The following GNAL variants were observed in gnomAD, a reference collection of about 807,000 sequenced individuals.
GNAL encodes guanine nucleotide-binding protein G(olf) subunit alpha.
In GNAL, 18 loss-of-function variants were observed where a neutral mutation model predicts 55.1. That is an observed-to-expected ratio of 0.33 (90% CI 0.23 to 0.48). The LOEUF (loss-of-function observed/expected upper bound fraction) is 0.48, where lower values mean the gene tolerates loss of function less well. Ranked by LOEUF, GNAL falls within the 20% of genes least tolerant of loss-of-function variation. The pLI is 0.99. For synonymous variants in GNAL, 253 were observed against 237.0 expected, an observed-to-expected ratio of 1.07 and a Z score of -0.62; for missense variants, 412 against 614.1, an observed-to-expected ratio of 0.67 and a Z score of 3.48.
At chr18:11,877,734 C>G (rs1374517713) in intron 11 of GNAL, among the ~76,000 whole-genome samples, 1 of 152,158 alleles carries the variant, frequency 6.6e-6, no homozygotes, top group Non-Finnish European at 1.5e-5. Context: ...CCACGGGGAC[C>G]GGCACTCCAG....
intron 1 of GNAL, among the ~76,000 whole-genome samples, chr18:11,718,395 C>T (rs923254370): frequency 2.6e-5 from 4 of 152,110 alleles, no homozygotes; most frequent in African/African-American, 9.7e-5. Context: ...GCTATATAAT[C>T]AATACGGCAG....
chr18:11,762,818 G>A (rs1278491659), intron 4 of GNAL, among the ~76,000 whole-genome samples: 1 of 152,290 alleles, frequency 6.6e-6, no homozygotes, highest in East Asian at 1.9e-4. Context: ...TCTGCTGTGG[G>A]GATGGTGCTC....
chr18:11,867,132 C>T, intron 7 of GNAL, 36 bp from the exon 8 acceptor site: 12 of 1,534,174 alleles, frequency 7.8e-6, no homozygotes, highest in Non-Finnish European at 9.9e-6. Context: ...TCCCCTGCTT[C>T]CCCCAAATAA....
intron 5 of GNAL, among the ~76,000 whole-genome samples, chr18:11,855,153 T>G (rs1197873394): frequency 6.6e-6 from 1 of 152,114 alleles, no homozygotes; most frequent in Non-Finnish European, 1.5e-5. Flanking sequence ...TGGCCAGGCT[T>G]GTCTCGGACT....
chr18:11,867,145 G>A, intron 7 of GNAL, 23 bp from the exon 8 acceptor site: 2 of 1,589,602 alleles, frequency 1.3e-6, no homozygotes, highest in Non-Finnish European at 1.7e-6. Context: ...CCAAATAATT[G>A]TGTTCCTCTT....
chr18:11,809,918 C>A (rs755563233), intron 4 of GNAL, among the ~76,000 whole-genome samples: 1 of 152,226 alleles, frequency 6.6e-6, no homozygotes, highest in Non-Finnish European at 1.5e-5. Flanking sequence ...GACAGACTTA[C>A]AGCTACTGCA....
At chr18:11,729,178 A>G (rs2032278715) in intron 1 of GNAL, among the ~76,000 whole-genome samples, 2 of 152,186 alleles carry the variant, frequency 1.3e-5, no homozygotes, top group African/African-American at 4.8e-5. Context: ...TCATAGGTTC[A>G]TAGATGTGTT....
At chr18:11,851,632 C>G in intron 5 of GNAL, 1 of 1,613,972 alleles carries the variant, frequency 6.2e-7, no homozygotes, top group Non-Finnish European at 8.5e-7. Flanking sequence ...AAAGGCCATT[C>G]AGAAGGGCAA....
chr18:11,851,589 TAAGGAGGAA>T, intron 5 of GNAL: 2 of 1,612,922 alleles, frequency 1.2e-6, no homozygotes, highest in Non-Finnish European at 1.7e-6. Flanking sequence ...AAAAATGCGA[TAAGGAGGAA>T]AAGGCCGAAA....
chr18:11,782,334 A>G (rs1485817147), intron 4 of GNAL, among the ~76,000 whole-genome samples: 2 of 152,186 alleles, frequency 1.3e-5, no homozygotes, highest in African/African-American at 4.8e-5. Context: ...AAAAAGAAAA[A>G]GAAAAAGAAT....
intron 1 of GNAL, among the ~76,000 whole-genome samples, chr18:11,720,340 G>A (rs754466323): frequency 1.3e-5 from 2 of 152,032 alleles, no homozygotes; most frequent in Non-Finnish European, 2.9e-5. Context: ...TTGTAAGATA[G>A]GTCTACTAAT....
intron 5 of GNAL, among the ~76,000 whole-genome samples, chr18:11,830,128 C>T (rs573956145): frequency 4.1e-4 from 63 of 152,224 alleles, no homozygotes; most frequent in African/African-American, 1.4e-3. Flanking sequence ...ATCTCCTTGA[C>T]GGGTCCGTAC....
intron 1 of GNAL, among the ~76,000 whole-genome samples, chr18:11,748,508 C>T (rs1598426328): frequency 7.1e-6 from 1 of 140,418 alleles, no homozygotes. Flanking sequence ...TATTAACTTC[C>T]TGGGTATATT....
chr18:11,709,301 G>T, intron 1 of GNAL, among the ~76,000 whole-genome samples: 1 of 144,654 alleles, frequency 6.9e-6, no homozygotes. Flanking sequence ...GGTTCCTTCT[G>T]AGTTTTAGGA....
intron 1 of GNAL, among the ~76,000 whole-genome samples, chr18:11,737,316 A>G (rs1001308627): frequency 6.6e-6 from 1 of 152,216 alleles, no homozygotes; most frequent in African/African-American, 2.4e-5. Flanking sequence ...CTTCATTACA[A>G]TAATGCCTAC....
At chr18:11,703,767 CAGGGGAT>C (rs920800122) in intron 1 of GNAL, among the ~76,000 whole-genome samples, 1 of 149,668 alleles carries the variant, frequency 6.7e-6, no homozygotes, top group Admixed American at 6.7e-5. Context: ...GAGCTTGGAA[CAGGGGAT>C]AGGAGGCCCA....
Position 11,881,291 on chromosome 18 carries a change from G to A in GNAL, c.*156G>A. The A allele has an allele frequency of 3.0e-6, 2 of 671,144 alleles. No individual in the cohort carries two copies. The highest frequency in any genetic ancestry group is 3.0e-5 in the Admixed American group (1 of 33,508). 41.6% of individuals were successfully genotyped at this position (671,144 alleles called of 1,614,324 possible). A position where few individuals can be genotyped will look rare whatever the true frequency, so the allele number is the denominator to read the frequency against. ...CCTCTGGCTACCTCTGTCCCCTCAG[G>A]TTTGGTTGTGTAGCTTCTGTTGTCA... On this transcript the variant is annotated 3_prime_UTR_variant, in exon 12 of 12. Transcript: ENST00000334049. This position sits in a 1 kb window ranked among gnomAD's most constrained non-coding sequence, Gnocchi z 4.8.
rs758952477 is a variant in GNAL at position 11,865,243 on chromosome 18, C to CA, written c.851+638dup. On this transcript the variant is annotated intron_variant, in intron 7 of 11. Transcript: ENST00000334049. ...CCTCTGCTGAAGAAGGTTCGGGGCT[C>CA]ACTACTGCTTGTGCACCGTATGACC... Among the ~76,000 whole-genome samples the CA allele has an allele frequency of 1.0e-3, 152 of 149,102 alleles. 1 individual carries two copies. Among genetic ancestry groups the CA allele is most frequent in the Non-Finnish European group, 1.5e-3 (101 of 67,970 alleles).
At chr18:11,846,263 C>CA (rs1277336341) in intron 5 of GNAL, among the ~76,000 whole-genome samples, 7 of 151,996 alleles carry the variant, frequency 4.6e-5, no homozygotes, top group African/African-American at 1.7e-4. Flanking sequence ...TTTCTCATAA[C>CA]AGTATTAACT....
Sources: gnomAD v4.1 joint callset for allele counts (sites outside exome capture counted in the v4.1 genomes callset) on GRCh38, gnomAD v4.1.1 for gene constraint, Gnocchi (gnomAD v3.1) non-coding constraint, MANE v1.5 for transcripts, NCBI Gene and HGNC (gene_info 2026-07-23, HGNC 2026-07-21) for gene names.